RALGAPA1: variants seen among roughly 807,000 people sequenced by gnomAD.
RALGAPA1 encodes the protein ral GTPase-activating protein subunit alpha-1.
Under a neutral mutation model 269.6 loss-of-function variants are expected in RALGAPA1, and 52 were observed. The observed-to-expected ratio is 0.19, with a 90% CI of 0.15 to 0.24. RALGAPA1 has a LOEUF of 0.24. Ranked by LOEUF, RALGAPA1 falls within the 10% of genes least tolerant of loss-of-function variation. The probability of loss-of-function intolerance (pLI) is 1.00; values close to 1 mark genes in which losing one functional copy is unlikely to be tolerated. For synonymous variants in RALGAPA1, 817 were observed against 1,008.3 expected (o/e 0.81, Z 3.60); for missense variants, 1,917 against 3,013.9 (o/e 0.64, Z 8.52).
intron 1 of RALGAPA1, among the ~76,000 whole-genome samples, chr14:35,780,854 G>A (rs975405090): frequency 4.6e-5 from 7 of 152,140 alleles, no homozygotes; most frequent in Admixed American, 2.6e-4. Flanking sequence ...CCCTTTGGAA[G>A]GCCGAGGCAG....
chr14:35,621,608 T>TA (rs1185685693), intron 35 of RALGAPA1, among the ~76,000 whole-genome samples: 1 of 152,114 alleles, frequency 6.6e-6, no homozygotes, highest in Non-Finnish European at 1.5e-5. Flanking sequence ...TTTTGCAATC[T>TA]ACCCTTCTGA....
rs569129486 is a variant in RALGAPA1, at chr14:35,595,860, T to C, written c.7054-71A>G. ...ATACACTACAGAGAAAGACTCAAAC[T>C]TCTTGCTTAAGAAAAAAATTGGGAA... On this transcript the variant is annotated intron_variant, in intron 36 of 41. Coordinates refer to ENST00000680220, the MANE Select transcript of RALGAPA1 (RefSeq NM_001346249.2). The C allele has an allele frequency of 2.6e-4, 334 of 1,305,426 alleles. 1 individual carries two copies. In the African/African-American group the frequency reaches 4.1e-3, roughly 16 times the overall value. The allele number at this position is 1,305,426 out of a possible 1,614,324, so 80.9% of individuals were successfully genotyped here. A position where few individuals can be genotyped will look rare whatever the true frequency, so the allele number is the denominator to read the frequency against.
At chr14:35,630,647 C>T (rs929997509) in intron 33 of RALGAPA1, among the ~76,000 whole-genome samples, 1 of 152,260 alleles carries the variant, frequency 6.6e-6, no homozygotes, top group East Asian at 1.9e-4. Context: ...GTAATCCCAG[C>T]ACTTTGGGAA....
At chr14:35,709,069 G>A (rs1216405104) in intron 16 of RALGAPA1, among the ~76,000 whole-genome samples, 1 of 152,122 alleles carries the variant, frequency 6.6e-6, no homozygotes, top group Non-Finnish European at 1.5e-5. Context: ...ATAGTTACTA[G>A]AGGCTCAGAA....
chr14:35,703,393 C>T (rs1007379323), intron 16 of RALGAPA1, among the ~76,000 whole-genome samples: 3 of 152,152 alleles, frequency 2.0e-5, no homozygotes, highest in Non-Finnish European at 4.4e-5. Context: ...GTGAGAGGAT[C>T]ACTTGAGCCC....
At position 35,595,659 on chromosome 14, in the gene RALGAPA1, T is replaced by C. The variant is rs375060514; in HGVS notation, c.7184A>G (p.Asp2395Gly). 6.2e-7 allele frequency: 1 copy of C among 1,612,096 alleles called. No homozygotes were observed. Among genetic ancestry groups the C allele is most frequent in the Non-Finnish European group, 8.5e-7 (1 of 1,179,156 alleles). The change falls in exon 37 of 42, where the codon GAT (aspartate) becomes GGT (glycine). Residue 2395 changes from aspartate to glycine, a missense_variant. Asp to Gly is a moderately conservative substitution (Grantham distance 94). Around this residue, in one of 11 missense-constraint regions of RALGAPA1, gnomAD observed 132 missense variants for 271.2 expected, o/e 0.49. Transcript: ENST00000680220. Reference sequence around the variant, plus strand: ...TTTTTTGGTCAAAGAATCATCAGAATCAGAAGGCATTCTTGTTGACACGTG... The same window carrying C: ...TTTTTTGGTCAAAGAATCATCAGAACCAGAAGGCATTCTTGTTGACACGTG... ...IFHVSTRMPSDSDDSLTKKLR... is the reference protein window; with the variant it reads ...IFHVSTRMPSGSDDSLTKKLR...
intron 6 of RALGAPA1, among the ~76,000 whole-genome samples, chr14:35,758,441 G>A (rs984594040): frequency 1.3e-5 from 2 of 151,968 alleles, no homozygotes; most frequent in Non-Finnish European, 2.9e-5. Context: ...CTCTGCCGGG[G>A]AGTATACAGA....
At chr14:35,561,617 C>A (rs1006084748) in intron 39 of RALGAPA1, among the ~76,000 whole-genome samples, 2 of 142,308 alleles carry the variant, frequency 1.4e-5, no homozygotes, top group Non-Finnish European at 1.5e-5. Context: ...AAGCAATTCT[C>A]ATCCCTCAAG....
intron 1 of RALGAPA1, among the ~76,000 whole-genome samples, chr14:35,779,094 C>CT (rs2075258496): frequency 6.6e-6 from 1 of 152,088 alleles, no homozygotes; most frequent in Admixed American, 6.6e-5. Flanking sequence ...TATTATCTGC[C>CT]TATAAGAATA....
At chr14:35,609,247 C>CAA (rs563927870) in intron 35 of RALGAPA1, among the ~76,000 whole-genome samples, 3 of 146,828 alleles carry the variant, frequency 2.0e-5, no homozygotes, top group African/African-American at 7.5e-5. Flanking sequence ...AACCAAAAAA[C>CAA]AAAAAAAAAC....
chr14:35,689,185 C>G lies in RALGAPA1; in HGVS notation c.3226G>C (p.Asp1076His), dbSNP rs769277586. 8.1e-7 allele frequency: 1 copy of G among 1,233,022 alleles called. No homozygotes were observed. Among genetic ancestry groups the G allele is most frequent in the Non-Finnish European group, 1.0e-6 (1 of 988,656 alleles). 76.4% of individuals were successfully genotyped at this position (1,233,022 alleles called of 1,614,324 possible). The change falls in exon 18 of 42, where the codon GAT (aspartate) becomes CAT (histidine). Residue 1076 changes from aspartate (D) to histidine (H), a missense_variant. Around this residue, in one of 11 missense-constraint regions of RALGAPA1, gnomAD observed 615 missense variants for 790.0 expected, o/e 0.78. Transcript: ENST00000680220. Reference sequence around the variant, plus strand: ...TTAAGCTTTTCAACTAGTGTTACATCAACACAAGCATCTAATTCTGTGGCT... The same window carrying G: ...TTAAGCTTTTCAACTAGTGTTACATGAACACAAGCATCTAATTCTGTGGCT... ...QAATELDACV[D>H]VTLVEKLKSV...
At chr14:35,575,748 C>A (rs1465152961) in intron 37 of RALGAPA1, among the ~76,000 whole-genome samples, 1 of 152,116 alleles carries the variant, frequency 6.6e-6, no homozygotes, top group African/African-American at 2.4e-5. Context: ...GCTCCCACCC[C>A]CACGCCCAGC....
chr14:35,604,492 T>G (rs1490526618), intron 36 of RALGAPA1, among the ~76,000 whole-genome samples: 2 of 151,262 alleles, frequency 1.3e-5, no homozygotes, highest in Admixed American at 1.3e-4. Context: ...TATAAAACAC[T>G]AAAGGCTGAC....
At chr14:35,598,398 GTTTTA>G (rs1443350882) in intron 36 of RALGAPA1, among the ~76,000 whole-genome samples, 3 of 140,606 alleles carry the variant, frequency 2.1e-5, no homozygotes, top group Non-Finnish European at 4.4e-5. Flanking sequence ...AGTCTATATT[GTTTTA>G]TATATATATA....
rs577307298 is a variant in RALGAPA1 at position 35,762,624 on chromosome 14, A to C, written c.369+86T>G. The C allele has an allele frequency of 8.7e-6, 7 of 805,646 alleles. No homozygotes were observed. In the South Asian group the frequency reaches 1.0e-4, roughly 12 times the overall value. The allele number at this position is 805,646 out of a possible 1,614,324, so 49.9% of individuals were successfully genotyped here. A position where few individuals can be genotyped will look rare whatever the true frequency, so the allele number is the denominator to read the frequency against. ...AAGACAATTCAGAGATCTTTAGGAA[A>C]AAGCTTAGGTAGGAAAAGTGTTAAC... On this transcript the variant is annotated intron_variant, in intron 5 of 41. Transcript: ENST00000680220.
chr14:35,782,793 A>G (rs2075539989), intron 1 of RALGAPA1, among the ~76,000 whole-genome samples: 1 of 152,090 alleles, frequency 6.6e-6, no homozygotes, highest in Non-Finnish European at 1.5e-5. Context: ...CTAAAATTCA[A>G]AAGAAAATGC....
intron 26 of RALGAPA1, among the ~76,000 whole-genome samples, chr14:35,670,680 T>G (rs1300735391): frequency 6.6e-6 from 1 of 152,178 alleles, no homozygotes; most frequent in Non-Finnish European, 1.5e-5. Context: ...ATCCCAGCAC[T>G]TTGGGAGGCT....
intron 37 of RALGAPA1, among the ~76,000 whole-genome samples, chr14:35,585,761 T>C (rs1407011195): frequency 6.6e-6 from 1 of 152,144 alleles, no homozygotes; most frequent in Non-Finnish European, 1.5e-5. Context: ...CAGATGGTTG[T>C]AGATGTGTGG....
intron 1 of RALGAPA1, among the ~76,000 whole-genome samples, chr14:35,779,996 A>G (rs2075323186): frequency 6.6e-6 from 1 of 152,056 alleles, no homozygotes; most frequent in Non-Finnish European, 1.5e-5. Context: ...AGTCCCAGCT[A>G]CCAGGGAGGC....
Sources: gnomAD v4.1 joint callset for allele counts (sites outside exome capture counted in the v4.1 genomes callset) on GRCh38, gnomAD v4.1.1 for gene constraint, gnomAD v4.1.1 regional missense constraint, MANE v1.5 for transcripts, NCBI Gene and HGNC (gene_info 2026-07-23, HGNC 2026-07-21) for gene names.